The following CEP15 variants were observed in gnomAD, a reference collection of about 807,000 sequenced individuals.
CEP15 encodes centrosomal protein 15.
the CEP15 span, chr3:62,334,273 T>G: frequency 6.6e-6 from 1 of 151,946 alleles, no homozygotes; most frequent in African/African-American, 2.4e-5. This position sits in a 1 kb window ranked among gnomAD's most constrained non-coding sequence, Gnocchi z 4.9. Flanking sequence ...TATATATAAC[T>G]TTCCAGCTAT....
the CEP15 span, chr3:62,322,091 C>A: frequency 6.3e-7 from 1 of 1,578,208 alleles, no homozygotes; most frequent in African/African-American, 1.4e-5. The surrounding 1 kb of genome is among the most constrained non-coding windows in gnomAD (Gnocchi z 5.5). Flanking sequence ...ATTTATCCCA[C>A]CTTCTCAAAA....
At chr3:62,329,963 G>A in the CEP15 span, among the ~76,000 whole-genome samples, 1 of 152,130 alleles carries the variant, frequency 6.6e-6, no homozygotes, top group African/African-American at 2.4e-5. Context: ...CTGTCGTAGT[G>A]TCAGCATCAA....
chr3:62,333,241 AT>A, the CEP15 span: 31 of 1,592,492 alleles, frequency 1.9e-5, no homozygotes, highest in African/African-American at 1.2e-4. The surrounding 1 kb of genome is among the most constrained non-coding windows in gnomAD (Gnocchi z 4.0). Context: ...TTACTTTTGG[AT>A]TTTTTTTTCC....
the CEP15 span, among the ~76,000 whole-genome samples, chr3:62,320,129 C>T: frequency 6.6e-6 from 1 of 152,260 alleles, no homozygotes; most frequent in Admixed American, 6.5e-5. Flanking sequence ...TTTTACAGAG[C>T]AGATTTTTTT....
the CEP15 span, chr3:62,334,256 A>AAAT: frequency 2.0e-5 from 3 of 151,956 alleles, no homozygotes; most frequent in African/African-American, 7.2e-5. This position sits in a 1 kb window ranked among gnomAD's most constrained non-coding sequence, Gnocchi z 4.9. Flanking sequence ...AAGAAAAAAA[A>AAAT]AATATGTATA....
chr3:62,335,230 A>G, the CEP15 span: 1 of 152,108 alleles, frequency 6.6e-6, no homozygotes, highest in African/African-American at 2.4e-5. Flanking sequence ...TTTTCTCCCT[A>G]AAACTGAGAA....
At chr3:62,333,883 A>G in the CEP15 span, 2 of 152,218 alleles carry the variant, frequency 1.3e-5, no homozygotes, top group African/African-American at 4.8e-5. This position sits in a 1 kb window ranked among gnomAD's most constrained non-coding sequence, Gnocchi z 4.0. Context: ...ATGAGAAAAT[A>G]AATTCATAGG....
chr3:62,320,574 G>A, the CEP15 span: 11 of 1,444,330 alleles, frequency 7.6e-6, 1 homozygote, highest in Admixed American at 1.8e-5. Context: ...GACTGGCTTT[G>A]TTAGTGAAAT....
the CEP15 span, among the ~76,000 whole-genome samples, chr3:62,326,874 T>G: frequency 6.6e-6 from 1 of 152,212 alleles, no homozygotes; most frequent in East Asian, 1.9e-4. Context: ...TATCACTAAA[T>G]TATAAGGACT....
the CEP15 span, among the ~76,000 whole-genome samples, chr3:62,329,405 C>G: frequency 6.6e-6 from 1 of 152,058 alleles, no homozygotes; most frequent in African/African-American, 2.4e-5. Flanking sequence ...AGACCACAGT[C>G]TTGAGAGAGA....
the CEP15 span, among the ~76,000 whole-genome samples, chr3:62,328,674 A>T: frequency 1.2e-4 from 18 of 151,944 alleles, no homozygotes; most frequent in African/African-American, 4.1e-4. Context: ...ACCTTTTTTT[A>T]AAAAAAGTTT....
chr3:62,323,325 C>G, the CEP15 span, among the ~76,000 whole-genome samples: 1 of 152,016 alleles, frequency 6.6e-6, no homozygotes, highest in Non-Finnish European at 1.5e-5. Flanking sequence ...TAGAATATTC[C>G]AAAAGGTCTC....
At chr3:62,334,944 A>T in the CEP15 span, 1 of 151,994 alleles carries the variant, frequency 6.6e-6, no homozygotes, top group African/African-American at 2.4e-5. The surrounding 1 kb of genome is among the most constrained non-coding windows in gnomAD (Gnocchi z 4.9). Context: ...TTTAACATCC[A>T]ATCTTTCCCA....
At chr3:62,333,292 A>G in the CEP15 span, 1 of 1,611,458 alleles carries the variant, frequency 6.2e-7, no homozygotes, top group South Asian at 1.1e-5. This position sits in a 1 kb window ranked among gnomAD's most constrained non-coding sequence, Gnocchi z 4.0. Flanking sequence ...TATATTCCCA[A>G]ATGGGAACAG....
the CEP15 span, among the ~76,000 whole-genome samples, chr3:62,329,880 A>T: frequency 6.6e-6 from 1 of 152,198 alleles, no homozygotes; most frequent in Non-Finnish European, 1.5e-5. Context: ...TGATTTATAA[A>T]GGTAAAAAAC....
chr3:62,326,491 G>T, the CEP15 span, among the ~76,000 whole-genome samples: 1 of 152,120 alleles, frequency 6.6e-6, no homozygotes, highest in African/African-American at 2.4e-5. Context: ...GCATGTATAG[G>T]GATGGGAAGA....
At chr3:62,326,609 A>C in the CEP15 span, among the ~76,000 whole-genome samples, 5 of 152,210 alleles carry the variant, frequency 3.3e-5, no homozygotes, top group Admixed American at 3.3e-4. Context: ...AGTAACATTT[A>C]TACCATCATC....
At chr3:62,332,380 G>A in the CEP15 span, among the ~76,000 whole-genome samples, 3 of 152,248 alleles carry the variant, frequency 2.0e-5, no homozygotes, top group Non-Finnish European at 4.4e-5. Context: ...CAGAACTGCT[G>A]TATTTAATGC....
At chr3:62,330,581 T>C in the CEP15 span, among the ~76,000 whole-genome samples, 6 of 152,172 alleles carry the variant, frequency 3.9e-5, no homozygotes, top group African/African-American at 1.2e-4. Context: ...ACCTTGGTGT[T>C]TTTACAGCTA....
Sources: allele counts gnomAD v4.1 joint callset (sites outside exome capture counted in the v4.1 genomes callset), GRCh38; gene constraint gnomAD v4.1.1; non-coding constraint Gnocchi (gnomAD v3.1); transcripts MANE v1.5; gene names NCBI Gene and HGNC (gene_info 2026-07-23, HGNC 2026-07-21).